Variants in KLF11 observed in about 807,000 individuals in gnomAD.
KLF11 encodes KLF transcription factor 11, also known as Krueppel-like factor 11.
In KLF11, 26 loss-of-function variants were observed where a neutral mutation model predicts 29.9. The ratio of observed to expected loss-of-function variants is 0.87; its 90% CI spans 0.64 to 1.21. The LOEUF is 1.21. KLF11 is among the 50% of genes most tolerant of loss of function. KLF11 has a pLI of 0.00. For synonymous variants in KLF11, 318 were observed against 257.4 expected, an observed-to-expected ratio of 1.24 and a Z score of -2.25; for missense variants, 778 against 665.7, an observed-to-expected ratio of 1.17 and a Z score of -1.86.
rs969926077 is a variant in KLF11 at position 10,053,063 on chromosome 2, G to A, written c.*556G>A. On this transcript the variant is annotated 3_prime_UTR_variant, in exon 4 of 4. Coordinates refer to ENST00000305883, the MANE Select transcript of KLF11 (RefSeq NM_003597.5). The stretch of plus-strand genomic sequence containing the variant: ...TGGCCTTTTAGATCTTTTTGGAATC[G>A]GACCTGGTTGAGTAAGGACCTCTTA... 1.3e-5 allele frequency: 5 copies of A among 393,880 alleles called. No individual in the cohort carries two copies. Among genetic ancestry groups the A allele is most frequent in the South Asian group, 1.4e-4 (1 of 7,040 alleles). The allele number at this position is 393,880 out of a possible 1,614,324, so 24.4% of individuals were successfully genotyped here.
At chr2:10,043,997 G>A in intron 1 of KLF11, 2 of 806,568 alleles carry the variant, frequency 2.5e-6, no homozygotes, top group Non-Finnish European at 3.0e-6. Flanking sequence ...TTTGTCTTGC[G>A]CTTCCTGGGC....
In KLF11 at chr2:10,052,319, GAGA is replaced by G. The variant is rs762621409; in HGVS notation, c.1357_1359del (p.Lys453del). ...ACGCCACCGCAGAACTCACACAGGGGAGAAGAAGTTTGTGTGCCCGGTGTGTGA... is the reference window on the plus strand; with the variant it reads ...ACGCCACCGCAGAACTCACACAGGGGAGAAGTTTGTGTGCCCGGTGTGTGA... On this transcript the variant is annotated inframe_deletion, in exon 4 of 4. Coordinates refer to ENST00000305883, the MANE Select transcript of KLF11 (RefSeq NM_003597.5). 30 of 1,614,076 alleles carry G rather than the reference GAGA, an allele frequency of 1.9e-5. 1 individual carries two copies. The highest frequency in any genetic ancestry group is 8.9e-5 in the East Asian group (4 of 44,894).
At chr2:10,045,190 T>A (rs1661152570) in intron 1 of KLF11, among the ~76,000 whole-genome samples, 1 of 150,030 alleles carries the variant, frequency 6.7e-6, no homozygotes, top group African/African-American at 2.5e-5. Flanking sequence ...CTTGGGGAGG[T>A]CAAGGCGGGT....
chr2:10,052,833 A>T lies in KLF11; in HGVS notation c.*326A>T. 1 of 383,706 alleles carries T rather than the reference A, an allele frequency of 2.6e-6. No homozygotes were observed. Among genetic ancestry groups the T allele is most frequent in the Admixed American group, 4.2e-5 (1 of 23,790 alleles). The allele number at this position is 383,706 out of a possible 1,614,324, so 23.8% of individuals were successfully genotyped here. A position where few individuals can be genotyped will look rare whatever the true frequency, so the allele number is the denominator to read the frequency against. On this transcript the variant is annotated 3_prime_UTR_variant, in exon 4 of 4. Transcript: ENST00000305883. ...AATCTGGATTTTTACAACCTTTTCT[A>T]TTGATGTTTTGTAGAAATAAGACAG...
In KLF11 at chr2:10,043,848, C is replaced by T. The variant is rs1163637550; in HGVS notation, c.42+90C>T. The T allele has an allele frequency of 3.1e-5, 38 of 1,239,484 alleles. 1 individual carries two copies. The South Asian group carries it at 5.2e-4, about 17-fold the overall frequency. 76.8% of individuals were successfully genotyped at this position (1,239,484 alleles called of 1,614,324 possible). A position where few individuals can be genotyped will look rare whatever the true frequency, so the allele number is the denominator to read the frequency against. ...TGCGGCACTCGCGCGCCTGTAAATG[C>T]GGGAGGTGGGGCGTGCAGGGCTTCG... On this transcript the variant is annotated intron_variant, in intron 1 of 3. Coordinates refer to ENST00000305883, the MANE Select transcript of KLF11 (RefSeq NM_003597.5).
At chr2:10,049,214 C>T (rs1391784756) in intron 3 of KLF11, among the ~76,000 whole-genome samples, 3 of 152,220 alleles carry the variant, frequency 2.0e-5, no homozygotes, top group Non-Finnish European at 4.4e-5. Flanking sequence ...TAGCCACTGG[C>T]TGCTCACACT....
chr2:10,052,612 G>A lies in KLF11; in HGVS notation c.*105G>A. The A allele has an allele frequency of 8.1e-7, 1 of 1,228,078 alleles. No homozygotes were observed. The highest frequency in any genetic ancestry group is 1.2e-6 in the Non-Finnish European group (1 of 857,976). 76.1% of individuals were successfully genotyped at this position (1,228,078 alleles called of 1,614,324 possible). A position where few individuals can be genotyped will look rare whatever the true frequency, so the allele number is the denominator to read the frequency against. The stretch of plus-strand genomic sequence containing the variant: ...GCCTCACCCAAAAAAAACGGTCTTG[G>A]CGGCCTAGGGGAAGATCGGGGAGCT... On this transcript the variant is annotated 3_prime_UTR_variant, in exon 4 of 4. Coordinates refer to ENST00000305883, the MANE Select transcript of KLF11 (RefSeq NM_003597.5).
chr2:10,052,186 G>A, intron 3 of KLF11, 41 bp from the exon 4 acceptor site: 1 of 1,596,206 alleles, frequency 6.3e-7, no homozygotes, highest in East Asian at 2.2e-5. Flanking sequence ...AAGGTGCTTA[G>A]CGTTTCCTTT....
intron 2 of KLF11, among the ~76,000 whole-genome samples, chr2:10,047,062 G>A (rs1661229278): frequency 6.6e-6 from 1 of 152,090 alleles, no homozygotes; most frequent in African/African-American, 2.4e-5. Context: ...AGAATATATC[G>A]GTAGCAGCTG....
chr2:10,052,801 T>G lies in KLF11; in HGVS notation c.*294T>G. Reference sequence around the variant, plus strand: ...TCAAACAAATATTTCGGCAATAAAGTTTACAAAATCTGGATTTTTACAACC... The same window carrying G: ...TCAAACAAATATTTCGGCAATAAAGGTTACAAAATCTGGATTTTTACAACC... On this transcript the variant is annotated 3_prime_UTR_variant, in exon 4 of 4. Transcript: ENST00000305883. The G allele has an allele frequency of 4.8e-6, 2 of 420,202 alleles. No homozygotes were observed. Among genetic ancestry groups the G allele is most frequent in the Non-Finnish European group, 8.5e-6 (2 of 236,126 alleles). 26.0% of individuals were successfully genotyped at this position (420,202 alleles called of 1,614,324 possible). A position where few individuals can be genotyped will look rare whatever the true frequency, so the allele number is the denominator to read the frequency against.
chr2:10,050,629 A>T (rs1316395703), intron 3 of KLF11, among the ~76,000 whole-genome samples: 1 of 152,020 alleles, frequency 6.6e-6, no homozygotes, highest in African/African-American at 2.4e-5. Flanking sequence ...GAATCGCTTG[A>T]GCCTGGGAGG....
In KLF11 at chr2:10,053,353, C is replaced by T; in HGVS notation, c.*846C>T. The stretch of plus-strand genomic sequence containing the variant: ...CAAGCCATTCAGTTTCTTGTTTGTA[C>T]CTAAAACACCAAAAAAGAAACACTC... On this transcript the variant is annotated 3_prime_UTR_variant, in exon 4 of 4. Transcript: ENST00000305883. 1 of 398,604 alleles carries T rather than the reference C, an allele frequency of 2.5e-6. No individual in the cohort carries two copies. Among genetic ancestry groups the T allele is most frequent in the Non-Finnish European group, 4.4e-6 (1 of 226,080 alleles). The allele number at this position is 398,604 out of a possible 1,614,324, so 24.7% of individuals were successfully genotyped here.
rs765905254 is a variant in KLF11 at position 10,047,826 on chromosome 2, G to T, written c.489G>T (p.Val163=). The T allele has an allele frequency of 6.2e-7, 1 of 1,613,756 alleles. No individual in the cohort carries two copies. Reference sequence around the variant, plus strand: ...GGGGCTTGCTGGGTTTGGAGCCAGTGCCCAGCTCTCCCTGCAGGGCCAAGG... The same window carrying T: ...GGGGCTTGCTGGGTTTGGAGCCAGTTCCCAGCTCTCCCTGCAGGGCCAAGG... ...AERGLLGLEP[V]PSSPCRAKGT... Residue 163 remains valine (V), a synonymous_variant, in exon 3 of 4, where the codon GTG becomes GTT. Transcript: ENST00000305883.
chr2:10,043,684 C>A lies in KLF11; in HGVS notation c.-33C>A. 7.7e-7 allele frequency: 1 copy of A among 1,298,798 alleles called. No homozygotes were observed. Among genetic ancestry groups the A allele is most frequent in the Admixed American group, 2.6e-5 (1 of 38,152 alleles). 80.5% of individuals were successfully genotyped at this position (1,298,798 alleles called of 1,614,324 possible). ...CTGCTGCGCCCGAGCTCACGCCCCGCGGCCGCTTTGTTGCTCCCGGCCGGC... is the reference window on the plus strand; with the variant it reads ...CTGCTGCGCCCGAGCTCACGCCCCGAGGCCGCTTTGTTGCTCCCGGCCGGC... On this transcript the variant is annotated 5_prime_UTR_variant, in exon 1 of 4. Coordinates refer to ENST00000305883, the MANE Select transcript of KLF11 (RefSeq NM_003597.5).
intron 3 of KLF11, among the ~76,000 whole-genome samples, chr2:10,050,519 G>A (rs540959009): frequency 1.7e-3 from 264 of 151,970 alleles, no homozygotes; most frequent in Non-Finnish European, 2.9e-3. Flanking sequence ...AGACCATCCT[G>A]GCCAACATGG....
At position 10,052,529 on chromosome 2, in the gene KLF11, CAT is replaced by C. The variant is rs772600969; in HGVS notation, c.*23_*24del. ...CTGAAAGGTCCATTAGGACATCACT[CAT>C]GGGATTTTTAAAAAGCCTCTTTCCA... On this transcript the variant is annotated 3_prime_UTR_variant, in exon 4 of 4. Transcript: ENST00000305883. 25 of 1,611,360 alleles carry C rather than the reference CAT, an allele frequency of 1.6e-5. No individual in the cohort carries two copies. Among genetic ancestry groups the C allele is most frequent in the Non-Finnish European group, 2.0e-5 (24 of 1,179,074 alleles).
chr2:10,051,078 T>G (rs534236735), intron 3 of KLF11, among the ~76,000 whole-genome samples: 3 of 151,096 alleles, frequency 2.0e-5, no homozygotes, highest in Non-Finnish European at 1.5e-5. Context: ...GGCTAATTTT[T>G]TTGGTATTTT....
intron 1 of KLF11, among the ~76,000 whole-genome samples, chr2:10,045,121 G>A (rs1432558703): frequency 1.3e-5 from 2 of 151,882 alleles, no homozygotes; most frequent in Non-Finnish European, 2.9e-5. Context: ...ACTCCAGCCT[G>A]GGCAACAGAG....
intron 3 of KLF11, among the ~76,000 whole-genome samples, chr2:10,049,708 C>T (rs6432053): frequency 0.52 from 79,217 of 152,104 alleles, 21,014 homozygotes; most frequent in East Asian, 0.68. Context: ...CCTTCTTTGA[C>T]CCTAGTGGTT....
Sources: allele counts gnomAD v4.1 joint callset (sites outside exome capture counted in the v4.1 genomes callset), GRCh38; gene constraint gnomAD v4.1.1; transcripts MANE v1.5; gene names NCBI Gene and HGNC (gene_info 2026-07-23, HGNC 2026-07-21).